Variants in OPCML observed in about 807,000 individuals in gnomAD.
The protein encoded by OPCML is opioid-binding protein/cell adhesion molecule.
OPCML carries 13 observed loss-of-function variants against 37.8 expected under a neutral mutation model. The ratio of observed to expected loss-of-function variants is 0.34; its 90% CI spans 0.22 to 0.55. The LOEUF (loss-of-function observed/expected upper bound fraction) is 0.55, where lower values mean the gene tolerates loss of function less well. Ranked by LOEUF, OPCML falls within the 20% of genes least tolerant of loss-of-function variation. The pLI is 0.91. For synonymous variants in OPCML, 176 were observed against 168.8 expected (o/e 1.04, Z -0.33); for missense variants, 341 against 435.6 (o/e 0.78, Z 1.93).
At chr11:133,112,305 AAAAAAG>A (rs1202577649) in intron 1 of OPCML, among the ~76,000 whole-genome samples, 42 of 143,166 alleles carry the variant, frequency 2.9e-4, no homozygotes, top group African/African-American at 8.0e-4. Context: ...AAAAAAAAAA[AAAAAAG>A]GGGAAAGAAA....
At chr11:133,351,130 G>T (rs188424500) in intron 1 of OPCML, among the ~76,000 whole-genome samples, 1 of 152,186 alleles carries the variant, frequency 6.6e-6, no homozygotes, top group South Asian at 2.1e-4. Flanking sequence ...GCTTTCCCGC[G>T]ATTTGCCACG....
intron 2 of OPCML, among the ~76,000 whole-genome samples, chr11:132,886,676 C>T (rs929650204): frequency 1.3e-5 from 2 of 152,138 alleles, no homozygotes; most frequent in Admixed American, 6.5e-5. Flanking sequence ...GAGTCCATAC[C>T]GGGTTCAGGA....
chr11:132,563,560 A>G (rs1255034772), intron 3 of OPCML, among the ~76,000 whole-genome samples: 2 of 151,644 alleles, frequency 1.3e-5, no homozygotes, highest in African/African-American at 2.4e-5. Context: ...AATGTACTAA[A>G]TGTCACTATA....
intron 4 of OPCML, among the ~76,000 whole-genome samples, chr11:132,502,336 G>C (rs572653873): frequency 1.3e-5 from 2 of 151,826 alleles, no homozygotes; most frequent in Middle Eastern, 6.8e-3. Context: ...TATTTATCAG[G>C]CTCTCCCTTC....
At chr11:132,919,389 G>A (rs982597829) in intron 2 of OPCML, among the ~76,000 whole-genome samples, 4 of 152,128 alleles carry the variant, frequency 2.6e-5, no homozygotes, top group African/African-American at 2.4e-5. Flanking sequence ...GTTGAGGCCC[G>A]GCAGGGTCCA....
intron 1 of OPCML, chr11:133,298,982 A>G (rs1456047718): frequency 6.6e-6 from 1 of 151,910 alleles, no homozygotes; most frequent in African/African-American, 2.4e-5. Context: ...TTAGACCCAG[A>G]TCAGCAGGAA....
At chr11:133,188,154 A>C (rs1359777702) in intron 1 of OPCML, among the ~76,000 whole-genome samples, 3 of 152,254 alleles carry the variant, frequency 2.0e-5, no homozygotes, top group African/African-American at 7.2e-5. Context: ...GGATTAAGTG[A>C]ATGGCAAAGA....
intron 1 of OPCML, among the ~76,000 whole-genome samples, chr11:133,291,439 C>G (rs1264371151): frequency 6.6e-6 from 1 of 152,196 alleles, no homozygotes; most frequent in East Asian, 1.9e-4. Context: ...TGGCCCCCTT[C>G]CCTTGGTGGT....
intron 1 of OPCML, among the ~76,000 whole-genome samples, chr11:133,497,182 C>T (rs1212599483): frequency 1.3e-5 from 2 of 152,104 alleles, no homozygotes; most frequent in Non-Finnish European, 2.9e-5. Context: ...TAATCCCAAA[C>T]TTCTTGGAGT....
intron 1 of OPCML, among the ~76,000 whole-genome samples, chr11:133,075,637 G>A (rs1172669135): frequency 1.3e-5 from 2 of 152,146 alleles, no homozygotes; most frequent in South Asian, 2.1e-4. Context: ...GAAAAAGCAC[G>A]ATCCATCTAC....
rs577803326 is a variant in OPCML, at chr11:133,328,991, G to C, written c.61+203273C>G. Among the ~76,000 whole-genome samples, 166 of 152,210 alleles carry C rather than the reference G, an allele frequency of 1.1e-3. No individual in the cohort carries two copies. In the South Asian group the frequency reaches 0.018, roughly 17 times the overall value. On this transcript the variant is annotated intron_variant, in intron 1 of 7. Transcript: ENST00000524381. ...ATAAGCAACTTCAGCAAAGTCTCAG[G>C]ATACAAAATCAATGTACAAAAATCA...
In OPCML at chr11:133,074,774, G is replaced by A. The variant is rs142930602; in HGVS notation, c.62-131764C>T. Among the ~76,000 whole-genome samples, 1,185 of 152,198 alleles carry A rather than the reference G, an allele frequency of 7.8e-3. 8 individuals carry two copies. The highest frequency in any genetic ancestry group is 0.012 in the Non-Finnish European group (804 of 68,012). ...AATCCAGCCCTCTCCATAATCATGC[G>A]TCATTATCTAATCCCTTTGTTACAC... On this transcript the variant is annotated intron_variant, in intron 1 of 7. Coordinates refer to ENST00000524381, the MANE Select transcript of OPCML (RefSeq NM_001012393.5).
intron 2 of OPCML, among the ~76,000 whole-genome samples, chr11:132,909,825 C>A (rs761107855): frequency 8.5e-5 from 13 of 152,136 alleles, no homozygotes; most frequent in Non-Finnish European, 1.6e-4. Flanking sequence ...GCCTCACTTG[C>A]CATTTAATGT....
chr11:133,485,641 C>T (rs1947510393), intron 1 of OPCML, among the ~76,000 whole-genome samples: 1 of 152,176 alleles, frequency 6.6e-6, no homozygotes, highest in African/African-American at 2.4e-5. Context: ...AAAACATCTC[C>T]AAAGAGTTCC....
At chr11:132,807,221 T>A (rs1485695471) in intron 2 of OPCML, among the ~76,000 whole-genome samples, 2 of 151,964 alleles carry the variant, frequency 1.3e-5, no homozygotes, top group Admixed American at 6.6e-5. Flanking sequence ...AAAACCTACG[T>A]CTCAAACTTG....
chr11:132,602,278 C>T (rs1258624371), intron 3 of OPCML, among the ~76,000 whole-genome samples: 1 of 152,144 alleles, frequency 6.6e-6, no homozygotes, highest in South Asian at 2.1e-4. Flanking sequence ...AAGGCAATTA[C>T]CATCGACACC....
At position 132,832,646 on chromosome 11, in the gene OPCML, G is replaced by T. The variant is rs149519735; in HGVS notation, c.146+110280C>A. 6.6e-5 allele frequency among the ~76,000 whole-genome samples: 10 copies of T among 152,270 alleles called. No homozygotes were observed. In the East Asian group the frequency reaches 1.9e-3, roughly 29 times the overall value. ...TAATCATGTATGCTTTTTACAATTT[G>T]CAGTGAGCAGGACTTTTCAAATACG... is the stretch of plus-strand genomic sequence containing the variant. On this transcript the variant is annotated intron_variant, in intron 2 of 7. Coordinates refer to ENST00000524381, the MANE Select transcript of OPCML (RefSeq NM_001012393.5).
intron 1 of OPCML, chr11:133,005,496 A>G: frequency 1.0e-6 from 1 of 985,378 alleles, no homozygotes; most frequent in East Asian, 1.1e-4. Context: ...AGGGCAGGTC[A>G]TATTTGGTAG....
intron 7 of OPCML, among the ~76,000 whole-genome samples, chr11:132,431,472 G>A (rs770955431): frequency 3.9e-5 from 6 of 152,190 alleles, no homozygotes; most frequent in Non-Finnish European, 8.8e-5. Context: ...CTAAAATATG[G>A]CTGTGAGTTG....
Sources: gnomAD v4.1 joint callset for allele counts (sites outside exome capture counted in the v4.1 genomes callset) on GRCh38, gnomAD v4.1.1 for gene constraint, MANE v1.5 for transcripts, NCBI Gene and HGNC (gene_info 2026-07-23, HGNC 2026-07-21) for gene names.